The following FXN variants were observed in gnomAD, a reference collection of about 807,000 sequenced individuals.
FXN encodes the protein frataxin, also known as frataxin, mitochondrial.
Under a neutral mutation model 22.4 loss-of-function variants are expected in FXN, and 14 were observed. The observed-to-expected ratio is 0.62, with a 90% CI of 0.41 to 0.98. FXN has a LOEUF of 0.98. Among genes scored for constraint, FXN ranks in the 50% least tolerant of loss-of-function variants. The pLI, the probability that FXN is intolerant of heterozygous loss-of-function variation, is 0.00. For missense variants in FXN, 267 were observed against 268.4 expected (o/e 0.99, Z 0.04); for synonymous variants, 120 against 114.1 (o/e 1.05, Z -0.33).
At chr9:69,038,011 C>T (rs1587813614) in intron 1 of FXN, among the ~76,000 whole-genome samples, 1 of 152,176 alleles carries the variant, frequency 6.6e-6, no homozygotes, top group Non-Finnish European at 1.5e-5. Context: ...TTAGATGGTA[C>T]CTGGTGGCTG....
At chr9:69,036,986 G>T (rs1335220265) in intron 1 of FXN, among the ~76,000 whole-genome samples, 3 of 152,162 alleles carry the variant, frequency 2.0e-5, no homozygotes, top group Non-Finnish European at 4.4e-5. Flanking sequence ...AGATGAAAGA[G>T]GCAGGCCACG....
intron 1 of FXN, among the ~76,000 whole-genome samples, chr9:69,043,290 T>A (rs543957399): frequency 1.3e-5 from 2 of 152,328 alleles, no homozygotes; most frequent in Non-Finnish European, 2.9e-5. Context: ...TCTGTTAAAA[T>A]TGTCTCCAAG....
chr9:69,068,525 C>T (rs1262157941), intron 4 of FXN, among the ~76,000 whole-genome samples: 1 of 152,226 alleles, frequency 6.6e-6, no homozygotes, highest in Non-Finnish European at 1.5e-5. Context: ...AGAGGGCCTG[C>T]TGGCCGCCAC....
intron 1 of FXN, among the ~76,000 whole-genome samples, chr9:69,040,154 C>T (rs1319215406): frequency 6.6e-6 from 1 of 152,282 alleles, no homozygotes; most frequent in Admixed American, 6.5e-5. Context: ...CATGCTGTCT[C>T]TTAAATGACT....
intron 1 of FXN, among the ~76,000 whole-genome samples, chr9:69,044,605 G>A (rs530122515): frequency 7.8e-4 from 119 of 152,152 alleles, no homozygotes; most frequent in African/African-American, 2.8e-3. Context: ...AAAGCCCTTC[G>A]GTGCCTTCCC....
At chr9:69,051,935 C>T (rs2481600) in intron 2 of FXN, among the ~76,000 whole-genome samples, 72,174 of 151,792 alleles carry the variant, frequency 0.48, 17,392 homozygotes, top group Middle Eastern at 0.58. Context: ...GCAACCTCCG[C>T]CCCCTGGATT....
At chr9:69,040,566 G>C (rs1419900591) in intron 1 of FXN, among the ~76,000 whole-genome samples, 2 of 152,112 alleles carry the variant, frequency 1.3e-5, no homozygotes, top group Admixed American at 1.3e-4. Flanking sequence ...TACTCGGGAC[G>C]CTGAGGCAGG....
At chr9:69,059,547 G>A (rs575570199) in intron 3 of FXN, among the ~76,000 whole-genome samples, 10 of 144,152 alleles carry the variant, frequency 6.9e-5, no homozygotes, top group South Asian at 4.8e-4. Flanking sequence ...TTACAGGCGC[G>A]TGCCACTATG....
intron 3 of FXN, among the ~76,000 whole-genome samples, chr9:69,057,456 A>G (rs1408673938): frequency 6.6e-6 from 1 of 152,186 alleles, no homozygotes; most frequent in Non-Finnish European, 1.5e-5. Context: ...ATATTTTTCT[A>G]GCCAATTCAT....
At position 69,077,625 on chromosome 9, in the gene FXN, T is replaced by C. The variant is rs1832394090; in HGVS notation, c.*4863T>C. The C allele has an allele frequency of 3.0e-6, 3 of 985,356 alleles. No individual in the cohort carries two copies. In the East Asian group the frequency reaches 3.4e-4, roughly 112 times the overall value. 61.0% of individuals were successfully genotyped at this position (985,356 alleles called of 1,614,324 possible). ...TGGGAACATTGTTAACGCCACATCT[T>C]GACCTCAAATTGTTTAGCTCCTGGC... On this transcript the variant is annotated 3_prime_UTR_variant, in exon 5 of 5. Transcript: ENST00000484259.
Position 69,055,612 on chromosome 9 carries a change from A to C in FXN, c.384+2352A>C, listed in dbSNP as rs1465082756. ...AGGTTCAAGCGATTCTCCCGCCTCA[A>C]CCTCCTGAGTAGCTGGGATTACAGA... On this transcript the variant is annotated intron_variant, in intron 3 of 4. Transcript: ENST00000484259. Among the ~76,000 whole-genome samples, 5 of 147,452 alleles carry C rather than the reference A, an allele frequency of 3.4e-5. No individual in the cohort carries two copies. In the South Asian group the frequency reaches 8.6e-4, roughly 25 times the overall value.
chr9:69,077,545 TAGA>T lies in FXN; in HGVS notation c.*4786_*4788del. 1.0e-6 allele frequency: 1 copy of T among 985,446 alleles called. No individual in the cohort carries two copies. The highest frequency in any genetic ancestry group is 1.2e-6 in the Non-Finnish European group (1 of 829,916). The allele number at this position is 985,446 out of a possible 1,614,324, so 61.0% of individuals were successfully genotyped here. ...TCAGACCTCTGAGGCCCCATCCAGG[TAGA>T]AGTACTAGTGCAAGAAGGGCCTCTG... On this transcript the variant is annotated 3_prime_UTR_variant, in exon 5 of 5. Coordinates refer to ENST00000484259, the MANE Select transcript of FXN (RefSeq NM_000144.5).
chr9:69,042,576 A>G (rs1564329555), intron 1 of FXN, among the ~76,000 whole-genome samples: 1 of 152,222 alleles, frequency 6.6e-6, no homozygotes, highest in African/African-American at 2.4e-5. Context: ...GTATTTGGCA[A>G]CGGTTCTTTT....
chr9:69,073,544 G>A lies in FXN; in HGVS notation c.*782G>A. 1.0e-6 allele frequency: 1 copy of A among 985,420 alleles called. No individual in the cohort carries two copies. The highest frequency in any genetic ancestry group is 1.7e-5 in the African/African-American group (1 of 57,338). 61.0% of individuals were successfully genotyped at this position (985,420 alleles called of 1,614,324 possible). On this transcript the variant is annotated 3_prime_UTR_variant, in exon 5 of 5. Transcript: ENST00000484259. ...ATGTAGCGTAACAAACAAAATCATGGAGCTGAGGAGGTGCCTTGTAAACAT... is the reference window on the plus strand; with the variant it reads ...ATGTAGCGTAACAAACAAAATCATGAAGCTGAGGAGGTGCCTTGTAAACAT...
intron 3 of FXN, among the ~76,000 whole-genome samples, chr9:69,054,458 G>A (rs982230664): frequency 2.0e-5 from 3 of 151,822 alleles, no homozygotes; most frequent in Non-Finnish European, 4.4e-5. Context: ...GTTCTTTTTT[G>A]CCAGTGGGAG....
rs1307256333 is a variant in FXN, at chr9:69,064,961, G to T, written c.408G>T (p.Leu136=). The change falls in exon 4 of 5, where the codon CTG becomes CTT. Residue 136 remains leucine, a synonymous_variant. Transcript: ENST00000484259. ...AGAGTGGTGTCTTAACTGTCAAACT[G>T]GGTGGAGATCTAGGAACCTATGTGA... ...SFGSGVLTVK[L]GGDLGTYVIN... is the part of the protein sequence containing the mutation. 6.2e-6 allele frequency: 10 copies of T among 1,613,528 alleles called. No homozygotes were observed. Among genetic ancestry groups the T allele is most frequent in the Non-Finnish European group, 7.6e-6 (9 of 1,179,608 alleles).
chr9:69,039,992 A>T (rs963170635), intron 1 of FXN, among the ~76,000 whole-genome samples: 1 of 152,130 alleles, frequency 6.6e-6, no homozygotes, highest in Non-Finnish European at 1.5e-5. Flanking sequence ...CACTCCCATG[A>T]TAACCCATTA....
intron 3 of FXN, among the ~76,000 whole-genome samples, chr9:69,061,564 A>G (rs1832074369): frequency 1.3e-5 from 2 of 151,970 alleles, no homozygotes; most frequent in African/African-American, 2.4e-5. Flanking sequence ...ACATGTGCAC[A>G]ATGTGCAGGT....
intron 3 of FXN, among the ~76,000 whole-genome samples, chr9:69,063,127 G>A (rs1399595148): frequency 6.6e-6 from 1 of 152,032 alleles, no homozygotes; most frequent in Non-Finnish European, 1.5e-5. Context: ...TGAGCATAGG[G>A]GTTTGAGGCT....
Sources: allele counts gnomAD v4.1 joint callset (sites outside exome capture counted in the v4.1 genomes callset), GRCh38; gene constraint gnomAD v4.1.1; transcripts MANE v1.5; gene names NCBI Gene and HGNC (gene_info 2026-07-23, HGNC 2026-07-21).